KIF3A: variants seen among roughly 807,000 people sequenced by gnomAD.
The protein encoded by KIF3A is kinesin-like protein KIF3A.
In KIF3A, 27 loss-of-function variants were observed where a neutral mutation model predicts 92.6. That is an observed-to-expected ratio of 0.29 (90% CI 0.21 to 0.40). The LOEUF (loss-of-function observed/expected upper bound fraction) is 0.40. KIF3A is among the 10% of genes least tolerant of loss of function. The probability of loss-of-function intolerance (pLI) is 1.00; values close to 1 mark genes in which losing one functional copy is unlikely to be tolerated. For missense variants in KIF3A, 581 were observed against 872.6 expected, an observed-to-expected ratio of 0.67 and a Z score of 4.21; for synonymous variants, 250 against 275.4, an observed-to-expected ratio of 0.91 and a Z score of 0.92.
At position 132,696,295 on chromosome 5, in the gene KIF3A, T is replaced by A. The variant is rs1244367270; in HGVS notation, c.*339A>T. 1 of 168,598 alleles carries A rather than the reference T, an allele frequency of 5.9e-6. No homozygotes were observed. The highest frequency in any genetic ancestry group is 2.4e-5 in the African/African-American group (1 of 42,052). 10.4% of individuals were successfully genotyped at this position (168,598 alleles called of 1,614,324 possible). A position where few individuals can be genotyped will look rare whatever the true frequency, so the allele number is the denominator to read the frequency against. On this transcript the variant is annotated 3_prime_UTR_variant, in exon 19 of 19. Coordinates refer to ENST00000403231, the MANE Select transcript of KIF3A (RefSeq NM_001300791.2). ...TTTTTTTCTATTTTGAAATTCTAGT[T>A]ACCTAAATATACAGTAGTTGGATAA...
At chr5:132,691,956 A>T (rs1752676371), downstream of KIF3A, among the ~76,000 whole-genome samples, 1 of 150,162 alleles carries the variant, frequency 6.7e-6, no homozygotes, top group East Asian at 1.9e-4. Flanking sequence ...AAAATAAAAT[A>T]AAATTTAAAA....
rs140550695 is a variant in KIF3A, at chr5:132,729,969, G to A, written c.281-3471C>T. 5.9e-5 allele frequency among the ~76,000 whole-genome samples: 9 copies of A among 152,062 alleles called. No individual in the cohort carries two copies. The East Asian group carries it at 1.7e-3, about 29-fold the overall frequency. ...CAAAAGCTGGTTCTCTGAGAAGATC[G>A]ATAAGATAAACCTCTAGTCAGACTA... On this transcript the variant is annotated intron_variant, in intron 2 of 18. Transcript: ENST00000403231.
At chr5:132,731,546 G>C (rs1754231122) in intron 2 of KIF3A, among the ~76,000 whole-genome samples, 1 of 152,146 alleles carries the variant, frequency 6.6e-6, no homozygotes, top group Non-Finnish European at 1.5e-5. Flanking sequence ...TCATACTGGT[G>C]AAAGAATGAA....
At chr5:132,718,665 T>G (rs939055313) in intron 5 of KIF3A, among the ~76,000 whole-genome samples, 1 of 151,196 alleles carries the variant, frequency 6.6e-6, no homozygotes, top group Non-Finnish European at 1.5e-5. Context: ...CTTCCTCTAT[T>G]GCCCAGGCTG....
intron 8 of KIF3A, 47 bp downstream of exon 8, chr5:132,715,710 A>T: frequency 7.0e-7 from 1 of 1,433,540 alleles, no homozygotes; most frequent in Middle Eastern, 2.2e-4. Flanking sequence ...TGGTTCAACA[A>T]TGTATTTTTA....
intron 17 of KIF3A, 163 bp from the exon 18 acceptor site, chr5:132,699,458 T>C (rs1044557538): frequency 1.3e-5 from 9 of 706,282 alleles, no homozygotes; most frequent in Non-Finnish European, 2.2e-5. Context: ...ATCTAAAATG[T>C]ACTTAATAAA....
chr5:132,729,494 T>C (rs889416241), intron 2 of KIF3A, among the ~76,000 whole-genome samples: 19 of 151,804 alleles, frequency 1.3e-4, no homozygotes, highest in African/African-American at 4.3e-4. Context: ...ACAACAAAAC[T>C]ATATTCTGGG....
Position 132,700,697 on chromosome 5 carries a change from T to G in KIF3A, c.1888A>C (p.Met630Leu). The G allele has an allele frequency of 6.3e-7, 1 of 1,588,952 alleles. No homozygotes were observed. Among genetic ancestry groups the G allele is most frequent in the Non-Finnish European group, 8.6e-7 (1 of 1,157,524 alleles). Reference sequence around the variant, plus strand: ...TTCCAATGGACATAGTTTTCAATCATTTCCTTTTAAAAGGGTGAAAGATAG... The same window carrying G: ...TTCCAATGGACATAGTTTTCAATCAGTTCCTTTTAAAAGGGTGAAAGATAG... ...DNFIPRDYQE[M>L]IENYVHWNED... Residue 630 changes from methionine (M) to leucine (L), a missense_variant, in exon 16 of 19, where the codon ATG (methionine) becomes CTG (leucine). By Grantham distance (15) the Met-to-Leu change is conservative. Around this residue, in one of 5 missense-constraint regions of KIF3A, gnomAD observed 112 missense variants for 144.3 expected, o/e 0.78. Transcript: ENST00000403231.
At chr5:132,699,097 T>A in intron 18 of KIF3A, 74 bp downstream of exon 18, 1 of 1,390,048 alleles carries the variant, frequency 7.2e-7, no homozygotes, top group Non-Finnish European at 1.0e-6. Flanking sequence ...TAAATAAATT[T>A]TAACTTCCTG....
intron 14 of KIF3A, 114 bp from the exon 15 acceptor site, chr5:132,702,326 T>C: frequency 9.9e-7 from 1 of 1,011,464 alleles, no homozygotes; most frequent in Non-Finnish European, 1.4e-6. Flanking sequence ...CCTAGTTCTT[T>C]TATAAAAATG....
At chr5:132,730,773 G>A (rs1008183973) in intron 2 of KIF3A, among the ~76,000 whole-genome samples, 5 of 151,890 alleles carry the variant, frequency 3.3e-5, no homozygotes, top group Non-Finnish European at 7.4e-5. Flanking sequence ...CAGCCTGGTC[G>A]ACAGAGTGAG....
chr5:132,737,096 C>T (rs1200564859), intron 1 of KIF3A, among the ~76,000 whole-genome samples: 1 of 152,250 alleles, frequency 6.6e-6, no homozygotes, highest in African/African-American at 2.4e-5. Context: ...CCCCCAGACG[C>T]CCCGCTCAGC....
At chr5:132,724,800 AAAAAAAATATATATAT>A (rs1213564627) in intron 4 of KIF3A, among the ~76,000 whole-genome samples, 6 of 36,904 alleles carry the variant, frequency 1.6e-4, no homozygotes, top group African/African-American at 7.2e-4. Flanking sequence ...AATAAAAAAA[AAAAAAAATATATATAT>A]ATATATATAT....
intron 5 of KIF3A, among the ~76,000 whole-genome samples, chr5:132,717,749 C>T (rs1753680428): frequency 6.6e-6 from 1 of 151,338 alleles, no homozygotes; most frequent in Non-Finnish European, 1.5e-5. Flanking sequence ...TAGTTTTTTT[C>T]TTAAATTCCA....
At chr5:132,691,626 G>A (rs1425839078), downstream of KIF3A, among the ~76,000 whole-genome samples, 1 of 151,866 alleles carries the variant, frequency 6.6e-6, no homozygotes, top group Admixed American at 6.6e-5. Context: ...TCTCCAGCTG[G>A]GCACAGTAGC....
intron 8 of KIF3A, among the ~76,000 whole-genome samples, chr5:132,713,168 AAACAAC>A (rs139928256): frequency 5.1e-4 from 78 of 152,032 alleles, no homozygotes; most frequent in Admixed American, 1.0e-3. Context: ...AACAAAAAAC[AAACAAC>A]AACAACAACA....
chr5:132,716,059 G>T, intron 7 of KIF3A, 128 bp from the exon 8 acceptor site: 1 of 854,650 alleles, frequency 1.2e-6, no homozygotes, highest in Non-Finnish European at 1.8e-6. Flanking sequence ...AAATGAGAGT[G>T]TCAACCACAT....
intron 11 of KIF3A, 144 bp from the exon 12 acceptor site, chr5:132,703,763 A>T: frequency 1.7e-6 from 1 of 591,066 alleles, no homozygotes; most frequent in Admixed American, 3.2e-5. Context: ...TCAAACCAAT[A>T]ATATCATGCA....
Position 132,719,109 on chromosome 5 carries a change from A to G in KIF3A, c.616+1500T>C, listed in dbSNP as rs527982948. Among the ~76,000 whole-genome samples, 245 of 152,350 alleles carry G rather than the reference A, an allele frequency of 1.6e-3. 3 individuals are homozygous for G. Among genetic ancestry groups the G allele is most frequent in the African/African-American group, 5.7e-3 (237 of 41,588 alleles). Reference sequence around the variant, plus strand: ...TTTTAAAATGTCAACAGATACTGTTAACAATGCCCTTCAAATAGGCTGCAC... The same window carrying G: ...TTTTAAAATGTCAACAGATACTGTTGACAATGCCCTTCAAATAGGCTGCAC... On this transcript the variant is annotated intron_variant, in intron 5 of 18. Coordinates refer to ENST00000403231, the MANE Select transcript of KIF3A (RefSeq NM_001300791.2).
Sources: allele counts gnomAD v4.1 joint callset (sites outside exome capture counted in the v4.1 genomes callset), GRCh38; gene constraint gnomAD v4.1.1; regional missense constraint gnomAD v4.1.1; transcripts MANE v1.5; gene names NCBI Gene and HGNC (gene_info 2026-07-23, HGNC 2026-07-21).